The following SCN10A variants were observed in gnomAD, a reference collection of about 807,000 sequenced individuals.
SCN10A encodes the protein sodium voltage-gated channel alpha subunit 10.
In SCN10A, 162 loss-of-function variants were observed where a neutral mutation model predicts 170.7. The ratio of observed to expected loss-of-function variants is 0.95; its 90% CI spans 0.84 to 1.08. SCN10A has a LOEUF of 1.08. Among genes scored for constraint, SCN10A ranks in the 50% least tolerant of loss-of-function variants. The probability of loss-of-function intolerance (pLI) is 0.00; values close to 1 mark genes in which losing one functional copy is unlikely to be tolerated. For synonymous variants in SCN10A, 985 were observed against 904.6 expected, an observed-to-expected ratio of 1.09 and a Z score of -1.59; for missense variants, 2,527 against 2,436.9, an observed-to-expected ratio of 1.04 and a Z score of -0.78.
intron 1 of SCN10A, among the ~76,000 whole-genome samples, chr3:38,805,446 G>C (rs916271721): frequency 6.6e-6 from 1 of 152,068 alleles, no homozygotes; most frequent in South Asian, 2.1e-4. Flanking sequence ...AAATGTCCCT[G>C]GTTTTGCAGA....
intron 3 of SCN10A, among the ~76,000 whole-genome samples, chr3:38,790,644 A>G (rs2126058887): frequency 6.6e-6 from 1 of 152,050 alleles, no homozygotes; most frequent in Admixed American, 6.6e-5. Flanking sequence ...GAGAATAATT[A>G]CCCTGATTAC....
intron 6 of SCN10A, among the ~76,000 whole-genome samples, chr3:38,762,680 G>A (rs928559220): frequency 6.6e-6 from 1 of 151,982 alleles, no homozygotes; most frequent in South Asian, 2.1e-4. Flanking sequence ...AGATATGAAG[G>A]GGCAGGACCA....
At chr3:38,783,446 T>A (rs1197617686) in intron 4 of SCN10A, among the ~76,000 whole-genome samples, 1 of 152,128 alleles carries the variant, frequency 6.6e-6, no homozygotes, top group East Asian at 1.9e-4. Flanking sequence ...TTTATATAAA[T>A]GAACCTTGTT....
intron 26 of SCN10A, among the ~76,000 whole-genome samples, chr3:38,702,435 C>A (rs1252103951): frequency 6.6e-6 from 1 of 152,236 alleles, no homozygotes; most frequent in Non-Finnish European, 1.5e-5. Context: ...CTCTTTTAAG[C>A]TCCACTTACT....
rs761730085 is a variant in SCN10A, at chr3:38,757,021, C to T, written c.1089G>A (p.Gln363=). The change falls in exon 9 of 28, where the codon CAG becomes CAA. Residue 363 remains glutamine, a synonymous_variant. Transcript: ENST00000449082. ...MTQDSWERLY[Q]QTLRTSGKIY... is the part of the protein sequence containing the mutation. ...GTGGGGGAATGCAGCTCAGTACCTG[C>T]TGGTAGAGGCGTTCCCAGGAATCCT... The T allele has an allele frequency of 4.1e-5, 66 of 1,609,010 alleles. No homozygotes were observed. Among genetic ancestry groups the T allele is most frequent in the Non-Finnish European group, 5.3e-5 (63 of 1,177,674 alleles).
chr3:38,728,834 G>C lies in SCN10A; in HGVS notation c.2348C>G (p.Ser783Ter). The C allele has an allele frequency of 6.2e-7, 1 of 1,614,220 alleles. No homozygotes were observed. The highest frequency in any genetic ancestry group is 8.5e-7 in the Non-Finnish European group (1 of 1,180,044). Residue 783 changes from serine (S) to a stop codon, truncating the protein, a stop_gained, in exon 16 of 28, where the codon TCA becomes TGA. Coordinates refer to ENST00000449082, the MANE Select transcript of SCN10A (RefSeq NM_006514.4). LOFTEE classifies it high-confidence loss of function. ...GGTGAGGTTCCCCAGTGCCCCCACTGAGTTTCCGATGATCTTGATGAGTGT... is the reference window on the plus strand; with the variant it reads ...GGTGAGGTTCCCCAGTGCCCCCACTCAGTTTCCGATGATCTTGATGAGTGT... ...LNTLIKIIGN[S>*]VGALGNLTII... is the part of the protein sequence containing the mutation.
At chr3:38,707,514 A>G in intron 25 of SCN10A, 131 bp from the exon 26 acceptor site, 1 of 872,660 alleles carries the variant, frequency 1.1e-6, no homozygotes, top group African/African-American at 1.7e-5. Flanking sequence ...CAAGCCCAGC[A>G]TCAAGGAGTG....
intron 27 of SCN10A, among the ~76,000 whole-genome samples, chr3:38,701,396 C>T (rs147636922): frequency 1.3e-3 from 193 of 152,342 alleles, no homozygotes; most frequent in African/African-American, 4.5e-3. Flanking sequence ...TCCTCCCAGT[C>T]TTTCCTCACT....
At chr3:38,737,818 T>TTCTTTCTTTCTTTCTTTCTTTCTTTCTA (rs2063584841) in intron 15 of SCN10A, among the ~76,000 whole-genome samples, 2 of 127,764 alleles carry the variant, frequency 1.6e-5, no homozygotes, top group Admixed American at 8.3e-5. Context: ...CTTTCTTTCT[T>TTCTTTCTTTCTTTCTTTCTTTCTTTCTA]TCTTTCTTTC....
At chr3:38,792,270 A>G in intron 2 of SCN10A, 102 bp from the exon 3 acceptor site, 4 of 1,446,176 alleles carry the variant, frequency 2.8e-6, no homozygotes, top group Non-Finnish European at 3.8e-6. Flanking sequence ...GCTTATGAGC[A>G]AGAAGGGCTC....
rs569343615 is a variant in SCN10A at position 38,735,119 on chromosome 3, G to A, written c.2280+4396C>T. Among the ~76,000 whole-genome samples the A allele has an allele frequency of 6.5e-3, 937 of 143,610 alleles. 5 individuals carry two copies. Among genetic ancestry groups the A allele is most frequent in the African/African-American group, 0.017 (654 of 38,416 alleles). The allele number at this position is 143,610 out of a possible 152,430, so 94.2% of individuals were successfully genotyped here. A position where few individuals can be genotyped will look rare whatever the true frequency, so the allele number is the denominator to read the frequency against. On this transcript the variant is annotated intron_variant, in intron 15 of 27. Coordinates refer to ENST00000449082, the MANE Select transcript of SCN10A (RefSeq NM_006514.4). The stretch of plus-strand genomic sequence containing the variant: ...CGGGAGGTGGAGCTGGCAATGAGCC[G>A]AGATCACGCCACTGCACTCTAGCCT...
intron 1 of SCN10A, among the ~76,000 whole-genome samples, chr3:38,813,695 G>A (rs1361312240): frequency 6.6e-6 from 1 of 152,160 alleles, no homozygotes; most frequent in African/African-American, 2.4e-5. Flanking sequence ...GATATCTTTG[G>A]AGAACAGAGA....
At chr3:38,737,029 G>C (rs2063572120) in intron 15 of SCN10A, among the ~76,000 whole-genome samples, 1 of 121,834 alleles carries the variant, frequency 8.2e-6, no homozygotes, top group Non-Finnish European at 1.6e-5. Context: ...GGATTGCAGT[G>C]GCGCAATCTC....
chr3:38,747,630 G>A (rs891896405), intron 13 of SCN10A, among the ~76,000 whole-genome samples: 3 of 152,124 alleles, frequency 2.0e-5, no homozygotes, highest in East Asian at 1.9e-4. Context: ...CCAGGCAGCC[G>A]GGTTCCAGAG....
intron 13 of SCN10A, among the ~76,000 whole-genome samples, chr3:38,744,206 T>C (rs1201052537): frequency 6.6e-6 from 1 of 152,108 alleles, no homozygotes; most frequent in Non-Finnish European, 1.5e-5. Flanking sequence ...GCTTGAAGAA[T>C]ATAAGATAAA....
At chr3:38,744,477 TC>T (rs1283061178) in intron 13 of SCN10A, among the ~76,000 whole-genome samples, 1 of 151,982 alleles carries the variant, frequency 6.6e-6, no homozygotes, top group Non-Finnish European at 1.5e-5. Context: ...TCAATTTTCT[TC>T]ATTTTTTTAT....
chr3:38,797,302 C>G (rs1222539678), intron 1 of SCN10A, among the ~76,000 whole-genome samples: 1 of 152,150 alleles, frequency 6.6e-6, no homozygotes, highest in Non-Finnish European at 1.5e-5. Context: ...GGAGGCTCTG[C>G]TGGTTGTCAC....
At chr3:38,718,907 C>T (rs905438752) in intron 20 of SCN10A, 81 bp from the exon 21 acceptor site, 2 of 1,298,208 alleles carry the variant, frequency 1.5e-6, no homozygotes, top group Non-Finnish European at 2.1e-6. Flanking sequence ...AAGGACCCAG[C>T]CAGCCCTGAC....
chr3:38,745,847 A>G (rs1028186918), intron 13 of SCN10A, among the ~76,000 whole-genome samples: 1 of 150,988 alleles, frequency 6.6e-6, no homozygotes, highest in African/African-American at 2.4e-5. Context: ...ATCTTTTCCT[A>G]TTTCTGTACC....
Sources: allele counts gnomAD v4.1 joint callset (sites outside exome capture counted in the v4.1 genomes callset), GRCh38; gene constraint gnomAD v4.1.1; transcripts MANE v1.5; gene names NCBI Gene and HGNC (gene_info 2026-07-23, HGNC 2026-07-21).